Variants in INVS observed in about 807,000 individuals in gnomAD.
INVS encodes inversion of embryo turning homolog.
Under a neutral mutation model 108.8 loss-of-function variants are expected in INVS, and 86 were observed. The observed-to-expected ratio is 0.79, with a 90% confidence interval of 0.66 to 0.95. The LOEUF (loss-of-function observed/expected upper bound fraction) is 0.95, where lower values mean the gene tolerates loss of function less well. Among genes scored for constraint, INVS ranks in the 40% least tolerant of loss-of-function variants. The probability of loss-of-function intolerance (pLI) is 0.00; values close to 1 mark genes in which losing one functional copy is unlikely to be tolerated. For missense variants in INVS, 1,169 were observed against 1,297.4 expected, an observed-to-expected ratio of 0.90 and a Z score of 1.52; for synonymous variants, 455 against 473.5, an observed-to-expected ratio of 0.96 and a Z score of 0.51.
At chr9:100,126,672 A>G (rs1051774114) in intron 3 of INVS, 123 bp downstream of exon 3, 11 of 943,582 alleles carry the variant, frequency 1.2e-5, no homozygotes, top group African/African-American at 9.7e-5. Context: ...GGTTTTATAT[A>G]TTTTCTCTAA....
chr9:100,240,195 T>C lies in INVS; in HGVS notation c.751T>C (p.Tyr251His). The C allele has an allele frequency of 6.2e-7, 1 of 1,614,070 alleles. No homozygotes were observed. The highest frequency in any genetic ancestry group is 8.5e-7 in the Non-Finnish European group (1 of 1,179,980). ...TSYESCNITSYDNLFRTPLHW... is the reference protein window; with the variant it reads ...TSYESCNITSHDNLFRTPLHW... ...ATATGAAAGCTGCAATATAACGTCT[T>C]ATGATAACTTATTTCGAACCCCACT... The change falls in exon 6 of 17, where the codon TAT (tyrosine) becomes CAT (histidine). Residue 251 changes from tyrosine to histidine, a missense_variant. This residue lies in a region of INVS where 365 missense variants were observed against 397.5 expected (regional missense o/e 0.92). Transcript: ENST00000262457.
At chr9:100,274,022 G>A (rs1455464572) in intron 12 of INVS, among the ~76,000 whole-genome samples, 3 of 152,104 alleles carry the variant, frequency 2.0e-5, no homozygotes, top group Non-Finnish European at 1.5e-5. Context: ...ATACAAAATA[G>A]CTGTCTGTGC....
intron 12 of INVS, among the ~76,000 whole-genome samples, chr9:100,275,779 T>C (rs999511112): frequency 6.6e-6 from 1 of 152,256 alleles, no homozygotes; most frequent in African/African-American, 2.4e-5. Context: ...GAAAAAGTTA[T>C]AGCGATATTT....
intron 14 of INVS, among the ~76,000 whole-genome samples, chr9:100,295,429 T>C (rs1231273377): frequency 6.6e-6 from 1 of 152,174 alleles, no homozygotes; most frequent in East Asian, 1.9e-4. Context: ...AACACACTTT[T>C]ATTGATTCTA....
At chr9:100,284,742 G>C (rs757615172) in intron 13 of INVS, 139 bp downstream of exon 13, 3 of 904,466 alleles carry the variant, frequency 3.3e-6, no homozygotes, top group Non-Finnish European at 3.4e-6. Flanking sequence ...TGTTCTACTT[G>C]TTTCCTCTGG....
intron 8 of INVS, among the ~76,000 whole-genome samples, chr9:100,247,389 T>C (rs2118531590): frequency 1.3e-5 from 2 of 152,264 alleles, no homozygotes; most frequent in Middle Eastern, 3.4e-3. Context: ...TATGTGTTGG[T>C]TAATGAAAGG....
At chr9:100,170,153 A>T (rs183931249) in intron 3 of INVS, among the ~76,000 whole-genome samples, 2 of 152,336 alleles carry the variant, frequency 1.3e-5, no homozygotes, top group African/African-American at 4.8e-5. Flanking sequence ...ATTTCAAACA[A>T]TTATTTGTGA....
At chr9:100,134,232 T>G (rs1282976630) in intron 3 of INVS, among the ~76,000 whole-genome samples, 1 of 152,232 alleles carries the variant, frequency 6.6e-6, no homozygotes, top group Non-Finnish European at 1.5e-5. Context: ...AGAATAATAG[T>G]CTCTAATCTC....
intron 11 of INVS, among the ~76,000 whole-genome samples, chr9:100,269,805 T>A (rs562106224): frequency 6.6e-6 from 1 of 152,190 alleles, no homozygotes; most frequent in African/African-American, 2.4e-5. Context: ...GGGATGGTCA[T>A]AGATACTAGT....
intron 4 of INVS, among the ~76,000 whole-genome samples, chr9:100,228,690 G>A (rs1831413245): frequency 6.6e-6 from 1 of 152,092 alleles, no homozygotes; most frequent in African/African-American, 2.4e-5. Flanking sequence ...AGACTGCCTG[G>A]GTTAAAATCT....
intron 11 of INVS, among the ~76,000 whole-genome samples, chr9:100,265,426 TG>T (rs1407520475): frequency 6.6e-6 from 1 of 152,222 alleles, no homozygotes; most frequent in Non-Finnish European, 1.5e-5. Flanking sequence ...TTTAGAATCA[TG>T]GGATCTTATA....
intron 2 of INVS, 149 bp downstream of exon 2, chr9:100,104,776 A>G: frequency 4.2e-6 from 3 of 706,726 alleles, no homozygotes; most frequent in South Asian, 3.1e-5. Context: ...TGAACAAGAA[A>G]GGAATTAAGT....
At chr9:100,126,617 A>G in intron 3 of INVS, 68 bp downstream of exon 3, 1 of 1,402,704 alleles carries the variant, frequency 7.1e-7, no homozygotes, top group South Asian at 1.2e-5. Context: ...TAGTGGAACT[A>G]TGCAATGGAC....
At chr9:100,117,244 G>A (rs749600426) in intron 2 of INVS, 7 of 838,858 alleles carry the variant, frequency 8.3e-6, no homozygotes, top group Admixed American at 3.8e-5. Context: ...TGTAGTCCCC[G>A]ATAGCAACAA....
intron 3 of INVS, among the ~76,000 whole-genome samples, chr9:100,173,594 T>G (rs1179252829): frequency 6.6e-6 from 1 of 152,142 alleles, no homozygotes; most frequent in Non-Finnish European, 1.5e-5. Context: ...CTGGGCATGG[T>G]GGTGCATGCC....
intron 3 of INVS, among the ~76,000 whole-genome samples, chr9:100,221,087 A>G (rs1280917789): frequency 6.6e-6 from 1 of 152,194 alleles, no homozygotes; most frequent in African/African-American, 2.4e-5. Context: ...GGAAGTATTT[A>G]GACTTTCTGT....
At chr9:100,222,096 G>C (rs944467866) in intron 3 of INVS, among the ~76,000 whole-genome samples, 3 of 152,060 alleles carry the variant, frequency 2.0e-5, no homozygotes, top group African/African-American at 7.2e-5. Flanking sequence ...TTAATCACTA[G>C]CTGAACTGTG....
intron 3 of INVS, among the ~76,000 whole-genome samples, chr9:100,142,258 A>G (rs1443575031): frequency 1.3e-5 from 2 of 152,226 alleles, no homozygotes; most frequent in Non-Finnish European, 2.9e-5. Context: ...ATTTAGAGTC[A>G]GTATAAATAT....
At chr9:100,153,025 G>A (rs1006639427) in intron 3 of INVS, among the ~76,000 whole-genome samples, 3 of 151,938 alleles carry the variant, frequency 2.0e-5, no homozygotes, top group African/African-American at 4.8e-5. Context: ...GTGTGTGTGT[G>A]TGTGTGTACA....
Sources: allele counts gnomAD v4.1 joint callset (sites outside exome capture counted in the v4.1 genomes callset), GRCh38; gene constraint gnomAD v4.1.1; regional missense constraint gnomAD v4.1.1; transcripts MANE v1.5; gene names NCBI Gene and HGNC (gene_info 2026-07-23, HGNC 2026-07-21).